The following MATN2 variants were observed in gnomAD, a reference collection of about 807,000 sequenced individuals.
MATN2 encodes matrilin 2, also known as matrilin-2.
Under a neutral mutation model 103.2 loss-of-function variants are expected in MATN2, and 69 were observed. The ratio of observed to expected loss-of-function variants is 0.67; its 90% CI spans 0.55 to 0.82. The LOEUF is 0.82. Ranked by LOEUF, MATN2 falls within the 40% of genes least tolerant of loss-of-function variation. The pLI, the probability that MATN2 is intolerant of heterozygous loss-of-function variation, is 0.00. For synonymous variants in MATN2, 429 were observed against 450.2 expected, an observed-to-expected ratio of 0.95 and a Z score of 0.60; for missense variants, 1,023 against 1,211.5, an observed-to-expected ratio of 0.84 and a Z score of 2.31.
At chr8:98,017,513 C>T (rs1475996472) in intron 11 of MATN2, among the ~76,000 whole-genome samples, 1 of 152,200 alleles carries the variant, frequency 6.6e-6, no homozygotes, top group Non-Finnish European at 1.5e-5. Flanking sequence ...CTCATGTTGA[C>T]ACTTTTGGAA....
At chr8:97,891,384 C>A (rs1818620151) in intron 2 of MATN2, among the ~76,000 whole-genome samples, 1 of 152,052 alleles carries the variant, frequency 6.6e-6, no homozygotes, top group South Asian at 2.1e-4. Context: ...GTCTCCCAGG[C>A]TGGAGTGCAG....
chr8:98,028,673 G>A (rs573976571), intron 14 of MATN2, among the ~76,000 whole-genome samples: 95 of 152,010 alleles, frequency 6.2e-4, no homozygotes, highest in African/African-American at 2.2e-3. Context: ...TGCAAGCTCC[G>A]CCTCCCAGGT....
chr8:97,990,545 T>C (rs768515668), intron 6 of MATN2, among the ~76,000 whole-genome samples: 3 of 152,330 alleles, frequency 2.0e-5, no homozygotes, highest in East Asian at 1.9e-4. Context: ...TTATTTGTGA[T>C]AGCCCCAAAC....
intron 5 of MATN2, among the ~76,000 whole-genome samples, chr8:97,972,338 C>CAAAAAAAA (rs3076713): frequency 1.4e-4 from 18 of 126,832 alleles, no homozygotes; most frequent in East Asian, 2.5e-4. Context: ...GACCCTGTCT[C>CAAAAAAAA]AAAAAAAAAA....
chr8:97,990,222 A>G (rs1036516266), intron 6 of MATN2, among the ~76,000 whole-genome samples: 73 of 152,028 alleles, frequency 4.8e-4, no homozygotes, highest in Non-Finnish European at 9.6e-4. Context: ...CTCAATAAAA[A>G]TGGGAAAAAT....
At chr8:97,880,388 A>G (rs1043611867) in intron 1 of MATN2, among the ~76,000 whole-genome samples, 4 of 152,178 alleles carry the variant, frequency 2.6e-5, no homozygotes, top group Admixed American at 6.5e-5. Context: ...TTAAAAATTA[A>G]CTGCCTGTTT....
chr8:97,971,126 G>T lies in MATN2; in HGVS notation c.959-7760G>T, dbSNP rs572842943. On this transcript the variant is annotated intron_variant, in intron 5 of 18. Transcript: ENST00000254898. ...TGGCATGTCATTGTGCAGATGCAGT[G>T]ATCTGGTAAGTTTCAGCCCCTTGAT... 7.2e-5 allele frequency among the ~76,000 whole-genome samples: 11 copies of T among 152,240 alleles called. No individual in the cohort carries two copies. The South Asian group carries it at 2.1e-3, about 29-fold the overall frequency.
rs1554605715 is a variant in MATN2, at chr8:97,945,717, A to ATATATATATAT, written c.835+3818_835+3819insTATATATATAT. On this transcript the variant is annotated intron_variant, in intron 4 of 18. Transcript: ENST00000254898. ...CATACACACTATAGAAAAAAAAAAAAATATATATATATATATATAATCTCC... is the reference window on the plus strand; with the variant it reads ...CATACACACTATAGAAAAAAAAAAAATATATATATATATATATATATATATATATAATCTCC... Among the ~76,000 whole-genome samples the ATATATATATAT allele has an allele frequency of 2.4e-4, 29 of 121,810 alleles. No individual in the cohort carries two copies. The East Asian group carries it at 3.3e-3, about 14-fold the overall frequency. 79.9% of individuals were successfully genotyped at this position (121,810 alleles called of 152,430 possible). A position where few individuals can be genotyped will look rare whatever the true frequency, so the allele number is the denominator to read the frequency against.
chr8:97,928,447 C>CA (rs1810065704), intron 2 of MATN2, among the ~76,000 whole-genome samples: 1 of 152,084 alleles, frequency 6.6e-6, no homozygotes, highest in South Asian at 2.1e-4. Context: ...AAGATGGTCT[C>CA]AATCTCCTGA....
intron 2 of MATN2, among the ~76,000 whole-genome samples, chr8:97,908,124 A>G (rs1819244967): frequency 6.6e-6 from 1 of 152,106 alleles, no homozygotes; most frequent in South Asian, 2.1e-4. Flanking sequence ...GGGGATTGCT[A>G]TGGCTAAGTT....
chr8:97,981,417 TA>T (rs1462350894), intron 6 of MATN2, among the ~76,000 whole-genome samples: 49 of 142,574 alleles, frequency 3.4e-4, no homozygotes, highest in African/African-American at 1.4e-3. Flanking sequence ...TCCAAAACTC[TA>T]AAAAAATGAG....
chr8:97,915,096 C>T (rs1411207557), intron 2 of MATN2, among the ~76,000 whole-genome samples: 1 of 152,194 alleles, frequency 6.6e-6, no homozygotes, highest in Admixed American at 6.5e-5. Flanking sequence ...AAGCGATCCT[C>T]CCGCCTCAGC....
At chr8:97,882,171 G>T (rs748795930) in intron 1 of MATN2, among the ~76,000 whole-genome samples, 48 of 151,446 alleles carry the variant, frequency 3.2e-4, no homozygotes, top group Non-Finnish European at 1.0e-4. Flanking sequence ...TGATCTGCCC[G>T]CCTCAGCTTC....
intron 2 of MATN2, among the ~76,000 whole-genome samples, chr8:97,910,728 C>G (rs74430011): frequency 0.018 from 2,734 of 152,268 alleles, 89 homozygotes; most frequent in African/African-American, 0.063. Context: ...AGAGTCCCTA[C>G]ATTCAAATCA....
chr8:98,007,739 C>T lies in MATN2; in HGVS notation c.1573+138C>T, dbSNP rs1188446149. ...CCTGCATGAATGTGTGTGACAGCAT[C>T]TCTTAGCCATTAAGCCTTGGTGGCT... On this transcript the variant is annotated intron_variant, in intron 10 of 18. Transcript: ENST00000254898. This position sits in a 1 kb window ranked among gnomAD's most constrained non-coding sequence, Gnocchi z 4.2. 2 of 1,073,442 alleles carry T rather than the reference C, an allele frequency of 1.9e-6. No homozygotes were observed. Among genetic ancestry groups the T allele is most frequent in the Non-Finnish European group, 2.6e-6 (2 of 757,944 alleles). 66.5% of individuals were successfully genotyped at this position (1,073,442 alleles called of 1,614,324 possible).
chr8:97,935,337 GTGT>G (rs1563677760), intron 3 of MATN2, among the ~76,000 whole-genome samples: 1 of 152,182 alleles, frequency 6.6e-6, no homozygotes, highest in Admixed American at 6.5e-5. Context: ...ATGTATGCAT[GTGT>G]TGTTTCAGGC....
intron 2 of MATN2, among the ~76,000 whole-genome samples, chr8:97,894,323 CTTTTTTTTTTTTT>C (rs58988866): frequency 3.4e-5 from 2 of 59,212 alleles, no homozygotes; most frequent in Non-Finnish European, 3.1e-5. Flanking sequence ...AAGAATTCAC[CTTTTTTTTTTTTT>C]TTTTTTTTTT....
intron 4 of MATN2, among the ~76,000 whole-genome samples, chr8:97,960,664 G>C (rs57279022): frequency 0.084 from 12,788 of 152,170 alleles, 660 homozygotes; most frequent in African/African-American, 0.13. Flanking sequence ...TTCCTCGTTT[G>C]TTATTAGAAT....
intron 4 of MATN2, among the ~76,000 whole-genome samples, chr8:97,952,470 T>TC (rs1363283810): frequency 3.3e-5 from 5 of 152,162 alleles, no homozygotes; most frequent in South Asian, 4.1e-4. Context: ...TGCTCCGTGC[T>TC]CCCCCCTCAG....
Sources: gnomAD v4.1 joint callset for allele counts (sites outside exome capture counted in the v4.1 genomes callset) on GRCh38, gnomAD v4.1.1 for gene constraint, Gnocchi (gnomAD v3.1) non-coding constraint, MANE v1.5 for transcripts, NCBI Gene and HGNC (gene_info 2026-07-23, HGNC 2026-07-21) for gene names.